Variants in CDX2 observed in about 807,000 individuals in gnomAD.
CDX2 encodes homeobox protein CDX-2.
CDX2 carries 7 observed loss-of-function variants against 25.5 expected under a neutral mutation model. That is an observed-to-expected ratio of 0.27 (90% CI 0.16 to 0.52). The LOEUF is 0.52. Among genes scored for constraint, CDX2 ranks in the 20% least tolerant of loss-of-function variants. The probability of loss-of-function intolerance (pLI) is 0.97; values close to 1 mark genes in which losing one functional copy is unlikely to be tolerated. For synonymous variants in CDX2, 222 were observed against 198.6 expected, an observed-to-expected ratio of 1.12 and a Z score of -0.99; for missense variants, 375 against 431.4, an observed-to-expected ratio of 0.87 and a Z score of 1.16.
At position 27,969,071 on chromosome 13, in the gene CDX2, G is replaced by C; in HGVS notation, c.-65C>G. 3.1e-6 allele frequency: 4 copies of C among 1,299,236 alleles called. No homozygotes were observed. Among genetic ancestry groups the C allele is most frequent in the Non-Finnish European group, 4.3e-6 (4 of 936,144 alleles). 80.5% of individuals were successfully genotyped at this position (1,299,236 alleles called of 1,614,324 possible). ...GGGGACCGACGCTGGAGGCTGCCGG[G>C]GGGCACGAAGGGAAAGGGGCGAGGG... is the stretch of plus-strand genomic sequence containing the variant. On this transcript the variant is annotated 5_prime_UTR_variant, in exon 1 of 3. Coordinates refer to ENST00000381020, the MANE Select transcript of CDX2 (RefSeq NM_001265.6).
At chr13:27,968,398 G>A in intron 1 of CDX2, 68 bp downstream of exon 1, 1 of 1,391,778 alleles carries the variant, frequency 7.2e-7, no homozygotes, top group Non-Finnish European at 9.2e-7. Flanking sequence ...GACGCGCGAC[G>A]CGCAGCAGCC....
At chr13:27,965,209 G>A (rs1190491383) in intron 1 of CDX2, among the ~76,000 whole-genome samples, 194 bp from the exon 2 acceptor site, 2 of 152,156 alleles carry the variant, frequency 1.3e-5, no homozygotes, top group East Asian at 3.8e-4. Flanking sequence ...GCTAGTGGAG[G>A]CAACTAAACT....
At chr13:27,967,426 G>A (rs1869389137) in intron 1 of CDX2, 2 of 493,494 alleles carry the variant, frequency 4.1e-6, no homozygotes, top group South Asian at 1.7e-5. Flanking sequence ...CATAACCAGC[G>A]TGCCTGCCCA....
intron 1 of CDX2, among the ~76,000 whole-genome samples, chr13:27,965,508 C>T (rs1443855198): frequency 6.6e-6 from 1 of 152,144 alleles, no homozygotes; most frequent in Non-Finnish European, 1.5e-5. Flanking sequence ...AAGCGGGGCT[C>T]AGGAGCTGAC....
Position 27,961,696 on chromosome 13 carries a change from TTA to T in CDX2, c.*1417_*1418del, listed in dbSNP as rs948563373. On this transcript the variant is annotated 3_prime_UTR_variant, in exon 3 of 3. Coordinates refer to ENST00000381020, the MANE Select transcript of CDX2 (RefSeq NM_001265.6). Reference sequence around the variant, plus strand: ...TCTTGGGAAACTAGGGGGATTTTTTTTAAAAAAAATTTAATGCTCACGTTTAA... The same window carrying T: ...TCTTGGGAAACTAGGGGGATTTTTTTAAAAAAATTTAATGCTCACGTTTAA... Among the ~76,000 whole-genome samples the T allele has an allele frequency of 5.1e-5, 3 of 58,818 alleles. No individual in the cohort carries two copies. The highest frequency in any genetic ancestry group is 1.6e-4 in the African/African-American group (3 of 19,170). The allele number at this position is 58,818 out of a possible 152,430, so 38.6% of individuals were successfully genotyped here.
chr13:27,964,408 C>T lies in CDX2; in HGVS notation c.687+462G>A, dbSNP rs974821241. On this transcript the variant is annotated intron_variant, in intron 2 of 2. Coordinates refer to ENST00000381020, the MANE Select transcript of CDX2 (RefSeq NM_001265.6). This position sits in a 1 kb window ranked among gnomAD's most constrained non-coding sequence, Gnocchi z 4.7. Reference sequence around the variant, plus strand: ...GAGTGAAACTGCGTTTCGACGGTGGCGGGTGGGGGGGCATGTACTCCAGGC... The same window carrying T: ...GAGTGAAACTGCGTTTCGACGGTGGTGGGTGGGGGGGCATGTACTCCAGGC... Among the ~76,000 whole-genome samples, 6 of 150,116 alleles carry T rather than the reference C, an allele frequency of 4.0e-5. No homozygotes were observed. Among genetic ancestry groups the T allele is most frequent in the Non-Finnish European group, 7.4e-5 (5 of 67,578 alleles).
At position 27,968,545 on chromosome 13, in the gene CDX2, C is replaced by T. The variant is rs762779063; in HGVS notation, c.462G>A (p.Glu154=). Residue 154 remains glutamate, a synonymous_variant, in exon 1 of 3, where the codon GAG becomes GAA. Transcript: ENST00000381020. ...PPGPAATAAA[E]QLSPGGQRRN... is the part of the protein sequence containing the mutation. ...GCCGCTGGCCGCCGGGAGACAGCTG[C>T]TCGGCGGCAGCGGTGGCGGCGGGCC... is the stretch of plus-strand genomic sequence containing the variant. 6.4e-7 allele frequency: 1 copy of T among 1,568,882 alleles called. No homozygotes were observed.
Position 27,969,237 on chromosome 13 carries a change from T to G in CDX2, c.-231A>C. Reference sequence around the variant, plus strand: ...TTCTTCCTTCTTTCCTCCCACCTCCTTCCCACTAGGCTGCAGAGGCGGGGA... The same window carrying G: ...TTCTTCCTTCTTTCCTCCCACCTCCGTCCCACTAGGCTGCAGAGGCGGGGA... On this transcript the variant is annotated 5_prime_UTR_variant, in exon 1 of 3. Transcript: ENST00000381020. 9.5e-6 allele frequency: 5 copies of G among 527,380 alleles called. No individual in the cohort carries two copies. The highest frequency in any genetic ancestry group is 1.0e-5 in the Non-Finnish European group (3 of 299,282). 32.7% of individuals were successfully genotyped at this position (527,380 alleles called of 1,614,324 possible). A position where few individuals can be genotyped will look rare whatever the true frequency, so the allele number is the denominator to read the frequency against.
At chr13:27,968,165 A>T (rs1238234380) in intron 1 of CDX2, among the ~76,000 whole-genome samples, 1 of 152,230 alleles carries the variant, frequency 6.6e-6, no homozygotes, top group Non-Finnish European at 1.5e-5. Flanking sequence ...AGCAGTGCTC[A>T]CGCCGACATT....
intron 1 of CDX2, among the ~76,000 whole-genome samples, chr13:27,965,581 T>C (rs1302416057): frequency 6.6e-6 from 1 of 152,204 alleles, no homozygotes; most frequent in Non-Finnish European, 1.5e-5. Context: ...AGCTGGGCTC[T>C]GGCCGAGGGA....
chr13:27,966,875 C>G (rs931847817), intron 1 of CDX2, among the ~76,000 whole-genome samples: 1 of 152,132 alleles, frequency 6.6e-6, no homozygotes, highest in African/African-American at 2.4e-5. Context: ...CCTCCACCCC[C>G]ACACCTTGAC....
In CDX2 at chr13:27,968,905, G is replaced by A. The variant is rs765878056; in HGVS notation, c.102C>T (p.Pro34=). The A allele has an allele frequency of 1.5e-5, 24 of 1,608,248 alleles. 1 individual carries two copies. The South Asian group carries it at 2.1e-4, about 14-fold the overall frequency. The change falls in exon 1 of 3, where the codon CCC becomes CCT. Residue 34 remains proline, a synonymous_variant. Coordinates refer to ENST00000381020, the MANE Select transcript of CDX2 (RefSeq NM_001265.6). ...AACCGCCGTAGTCCGGGTACTGCGG[G>A]GGGCTGACGAAGTTCTGCGGCGCCA... ...LNLAPQNFVS[P]PQYPDYGGYH...
intron 1 of CDX2, chr13:27,967,417 A>G: frequency 2.0e-6 from 1 of 501,808 alleles, no homozygotes. Context: ...CAAAGTGCCC[A>G]TAACCAGCGT....
rs1250923714 is a variant in CDX2, at chr13:27,962,503, C to T, written c.*612G>A. 4.3e-6 allele frequency: 1 copy of T among 233,314 alleles called. No individual in the cohort carries two copies. Among genetic ancestry groups the T allele is most frequent in the Non-Finnish European group, 8.5e-6 (1 of 117,932 alleles). 14.5% of individuals were successfully genotyped at this position (233,314 alleles called of 1,614,324 possible). On this transcript the variant is annotated 3_prime_UTR_variant, in exon 3 of 3. Transcript: ENST00000381020. ...CCAATAACCACCCCCTCATACCACA[C>T]CCTGTGCATACACCAGCCAAGCCTT...
In CDX2 at chr13:27,969,052, C is replaced by G. The variant is rs375674139; in HGVS notation, c.-46G>C. 4.4e-5 allele frequency: 65 copies of G among 1,489,092 alleles called. No individual in the cohort carries two copies. Among genetic ancestry groups the G allele is most frequent in the African/African-American group, 2.0e-4 (14 of 70,764 alleles). The allele number at this position is 1,489,092 out of a possible 1,614,324, so 92.2% of individuals were successfully genotyped here. A position where few individuals can be genotyped will look rare whatever the true frequency, so the allele number is the denominator to read the frequency against. ...AGACCTCACCATGCTGCCTGGGGAC[C>G]GACGCTGGAGGCTGCCGGGGGGCAC... On this transcript the variant is annotated 5_prime_UTR_variant, in exon 1 of 3. Coordinates refer to ENST00000381020, the MANE Select transcript of CDX2 (RefSeq NM_001265.6).
At chr13:27,968,222 T>C (rs958983655) in intron 1 of CDX2, among the ~76,000 whole-genome samples, 1 of 152,148 alleles carries the variant, frequency 6.6e-6, no homozygotes, top group South Asian at 2.1e-4. Flanking sequence ...TGAGGAGCTC[T>C]TGGAAAGAGG....
Position 27,968,988 on chromosome 13 carries a change from G to T in CDX2, c.19C>A (p.Leu7Met). The T allele has an allele frequency of 6.3e-7, 1 of 1,599,812 alleles. No individual in the cohort carries two copies. The change falls in exon 1 of 3, where the codon CTG becomes ATG. Residue 7 changes from leucine (L) to methionine (M), a missense_variant. Transcript: ENST00000381020. ...GGGTACATGCTCACGTCCTTGTCCA[G>T]GAGGTAGCTCACGTACATGGTGGCG... is the stretch of plus-strand genomic sequence containing the variant. Reference protein sequence around the residue: MYVSYLLDKDVSMYPSS... With the variant: MYVSYLMDKDVSMYPSS...
Position 27,964,708 on chromosome 13 carries a change from TA to T in CDX2, c.687+161del, listed in dbSNP as rs55820742. Among the ~76,000 whole-genome samples, 4,152 of 127,024 alleles carry T rather than the reference TA, an allele frequency of 0.033. 119 individuals carry two copies. Among genetic ancestry groups the T allele is most frequent in the African/African-American group, 0.067 (2,370 of 35,386 alleles). 83.3% of individuals were successfully genotyped at this position (127,024 alleles called of 152,430 possible). A position where few individuals can be genotyped will look rare whatever the true frequency, so the allele number is the denominator to read the frequency against. On this transcript the variant is annotated intron_variant, in intron 2 of 2. Coordinates refer to ENST00000381020, the MANE Select transcript of CDX2 (RefSeq NM_001265.6). The surrounding 1 kb of genome is among the most constrained non-coding windows in gnomAD (Gnocchi z 4.7). Reference sequence around the variant, plus strand: ...CACAAAGCAAGACCCCATCTCTGTTTAAAAAAAAAAAAAAAAAAAAAAAGGA... The same window carrying T: ...CACAAAGCAAGACCCCATCTCTGTTTAAAAAAAAAAAAAAAAAAAAAAGGA...
In CDX2 at chr13:27,961,776, CCTG is replaced by C. The variant is rs1356963167; in HGVS notation, c.*1336_*1338del. ...AGGGAGTCACTGCAGAAGGGAACTG[CCTG>C]CTGTTTGCAAAAAGCCTCCATGTGG... On this transcript the variant is annotated 3_prime_UTR_variant, in exon 3 of 3. Coordinates refer to ENST00000381020, the MANE Select transcript of CDX2 (RefSeq NM_001265.6). Among the ~76,000 whole-genome samples, 7 of 152,134 alleles carry C rather than the reference CCTG, an allele frequency of 4.6e-5. No individual in the cohort carries two copies. The highest frequency in any genetic ancestry group is 8.8e-5 in the Non-Finnish European group (6 of 68,022).
Sources: gnomAD v4.1 joint callset for allele counts (sites outside exome capture counted in the v4.1 genomes callset) on GRCh38, gnomAD v4.1.1 for gene constraint, Gnocchi (gnomAD v3.1) non-coding constraint, MANE v1.5 for transcripts, NCBI Gene and HGNC (gene_info 2026-07-23, HGNC 2026-07-21) for gene names.